Variants in PDZD2 observed in about 807,000 individuals in gnomAD.
PDZD2 encodes the protein PDZ domain-containing protein 2.
A neutral mutation model predicts 220.7 loss-of-function variants in PDZD2; 90 were observed. The ratio of observed to expected loss-of-function variants is 0.41; its 90% CI spans 0.34 to 0.49. The LOEUF is 0.49. PDZD2 is among the 20% of genes least tolerant of loss of function. The pLI, the probability that PDZD2 is intolerant of heterozygous loss-of-function variation, is 0.28. For missense variants in PDZD2, 3,174 were observed against 3,608.5 expected (o/e 0.88, Z 3.08); for synonymous variants, 1,375 against 1,450.5 (o/e 0.95, Z 1.18).
At chr5:31,999,201 G>A (rs143799126) in intron 4 of PDZD2, among the ~76,000 whole-genome samples, 100 of 149,484 alleles carry the variant, frequency 6.7e-4, no homozygotes, top group African/African-American at 1.8e-3. Flanking sequence ...GATACCTGCA[G>A]TGACAGCAGT....
In PDZD2 at chr5:32,025,078, G is replaced by A. The variant is rs370876728; in HGVS notation, c.1408-12153G>A. Among the ~76,000 whole-genome samples the A allele has an allele frequency of 1.2e-4, 18 of 152,238 alleles. No homozygotes were observed. The South Asian group carries it at 2.3e-3, about 19-fold the overall frequency. On this transcript the variant is annotated intron_variant, in intron 6 of 24. Coordinates refer to ENST00000438447, the MANE Select transcript of PDZD2 (RefSeq NM_178140.4). ...TCCCAACAGATTATCTTAAAGAAGCGCCTGCCCTTAGAAATATATGTCAGC... is the reference window on the plus strand; with the variant it reads ...TCCCAACAGATTATCTTAAAGAAGCACCTGCCCTTAGAAATATATGTCAGC...
Position 32,090,898 on chromosome 5 carries a change from G to T in PDZD2, c.7450G>T (p.Glu2484Ter). ...GCCCGTGTCCCGCTCCAAGCTCCAGGAGCTGAGAGCCTTGAGCATGCCTGA... is the reference window on the plus strand; with the variant it reads ...GCCCGTGTCCCGCTCCAAGCTCCAGTAGCTGAGAGCCTTGAGCATGCCTGA... Reference protein sequence around the residue: ...PSPVSRSKLQELRALSMPDLD... With the variant: ...PSPVSRSKLQ The change falls in exon 20 of 25, where the codon GAG becomes TAG. Residue 2484 changes from glutamate (E) to a stop codon, truncating the protein, a stop_gained. Transcript: ENST00000438447. LOFTEE classifies it high-confidence loss of function. This position sits in a 1 kb window ranked among gnomAD's most constrained non-coding sequence, Gnocchi z 4.3. 6.2e-7 allele frequency: 1 copy of T among 1,613,958 alleles called. No individual in the cohort carries two copies. The highest frequency in any genetic ancestry group is 8.5e-7 in the Non-Finnish European group (1 of 1,180,012).
intron 1 of PDZD2, among the ~76,000 whole-genome samples, chr5:31,783,843 C>T (rs560337518): frequency 7.2e-4 from 110 of 152,214 alleles, no homozygotes; most frequent in African/African-American, 2.5e-3. Flanking sequence ...ATTTTTTTCC[C>T]GCTTCCAATT....
chr5:31,730,612 A>C (rs1351067529), intron 1 of PDZD2, among the ~76,000 whole-genome samples: 2 of 123,436 alleles, frequency 1.6e-5, no homozygotes, highest in Non-Finnish European at 3.6e-5. Context: ...TGTGTGTGTA[A>C]GGGAGTTGGG....
intron 2 of PDZD2, among the ~76,000 whole-genome samples, chr5:31,818,852 T>G (rs1755636789): frequency 6.6e-6 from 1 of 152,250 alleles, no homozygotes; most frequent in Non-Finnish European, 1.5e-5. Flanking sequence ...TCTGTGACCA[T>G]GTGCCTACAG....
At chr5:31,970,037 T>TA (rs1387906912) in intron 2 of PDZD2, among the ~76,000 whole-genome samples, 1 of 151,986 alleles carries the variant, frequency 6.6e-6, no homozygotes, top group Non-Finnish European at 1.5e-5. Flanking sequence ...TAGCTGGGAT[T>TA]ATAGGCATGC....
Position 32,087,473 on chromosome 5 carries a change from G to A in PDZD2, c.4025G>A (p.Gly1342Glu). Residue 1342 changes from glycine (G) to glutamate (E), a missense_variant, in exon 20 of 25, where the codon GGA (glycine) becomes GAA (glutamate). This residue lies in a region of PDZD2 where 1,861 missense variants were observed against 2,001.0 expected (regional missense o/e 0.93). Coordinates refer to ENST00000438447, the MANE Select transcript of PDZD2 (RefSeq NM_178140.4). This position sits in a 1 kb window ranked among gnomAD's most constrained non-coding sequence, Gnocchi z 4.0. ...ACACCAGCTGGTGCTGTCCTGCCAG[G>A]AGACCCCCTCACATCCCAGGAGCAG... ...GMTPAGAVLP[G>E]DPLTSQEQRQ... 6.2e-7 allele frequency: 1 copy of A among 1,613,776 alleles called. No individual in the cohort carries two copies. The highest frequency in any genetic ancestry group is 8.5e-7 in the Non-Finnish European group (1 of 1,179,816).
At chr5:32,005,714 C>T (rs1752747721) in intron 5 of PDZD2, among the ~76,000 whole-genome samples, 1 of 152,160 alleles carries the variant, frequency 6.6e-6, no homozygotes, top group Non-Finnish European at 1.5e-5. Flanking sequence ...GAGGCAGTCC[C>T]ACCTGGACTT....
intron 2 of PDZD2, among the ~76,000 whole-genome samples, chr5:31,893,847 G>C (rs754629350): frequency 1.3e-5 from 2 of 151,830 alleles, no homozygotes; most frequent in Non-Finnish European, 2.9e-5. Flanking sequence ...AAGTTGTACA[G>C]AAATTCCTGG....
At chr5:32,008,494 C>T (rs553306388) in intron 5 of PDZD2, among the ~76,000 whole-genome samples, 1 of 152,056 alleles carries the variant, frequency 6.6e-6, no homozygotes, top group Non-Finnish European at 1.5e-5. Flanking sequence ...CCATGTTGGC[C>T]AGGCTGGTCT....
chr5:31,955,964 T>G (rs1046693923), intron 2 of PDZD2, among the ~76,000 whole-genome samples: 1 of 152,218 alleles, frequency 6.6e-6, no homozygotes, highest in Admixed American at 6.5e-5. Flanking sequence ...TTTGTAGTTT[T>G]ATACCATTGT....
chr5:31,820,570 C>T (rs776332434), intron 2 of PDZD2: 1 of 151,632 alleles, frequency 6.6e-6, no homozygotes, highest in Non-Finnish European at 1.5e-5. Context: ...ATTTTTTCAT[C>T]CTTGGGCAAG....
intron 2 of PDZD2, chr5:31,908,571 C>T (rs1742896611): frequency 1.0e-6 from 1 of 975,534 alleles, no homozygotes; most frequent in Admixed American, 1.8e-5. Context: ...TTGATACTGT[C>T]ATGAACCATC....
chr5:32,089,955 C>G lies in PDZD2; in HGVS notation c.6507C>G (p.Ser2169=), dbSNP rs75551718. 1.9e-5 allele frequency: 31 copies of G among 1,598,492 alleles called. No homozygotes were observed. In the Admixed American group the frequency reaches 3.6e-4, roughly 18 times the overall value. ...CATTCAGCATGGCAAAACTGGCGTC[C>G]TCCTCCTCCTCCCTTCAAACAGCCA... The part of the protein sequence containing the change: ...SRSFSMAKLA[S]SSSSLQTAIR... Residue 2169 remains serine (S), a synonymous_variant, in exon 20 of 25, where the codon TCC becomes TCG. Transcript: ENST00000438447.
intron 2 of PDZD2, among the ~76,000 whole-genome samples, chr5:31,813,134 A>G (rs986985296): frequency 1.2e-4 from 18 of 152,276 alleles, no homozygotes; most frequent in African/African-American, 3.9e-4. Context: ...TCAGACCATT[A>G]TAATTAGCAA....
chr5:31,649,954 A>AAG (rs1745288519), intron 1 of PDZD2, among the ~76,000 whole-genome samples: 2 of 150,846 alleles, frequency 1.3e-5, no homozygotes, highest in African/African-American at 2.4e-5. Flanking sequence ...AAAAAAAAAA[A>AAG]AAAAAAAAAA....
At chr5:32,028,676 T>G (rs1158478035) in intron 6 of PDZD2, among the ~76,000 whole-genome samples, 1 of 41,302 alleles carries the variant, frequency 2.4e-5, no homozygotes, top group East Asian at 4.7e-4. Flanking sequence ...TTTTTTTTTG[T>G]TTTTTTTGTT....
chr5:31,794,393 C>CTTTTTTTTT (rs34331530), intron 1 of PDZD2, among the ~76,000 whole-genome samples: 18 of 105,278 alleles, frequency 1.7e-4, no homozygotes, highest in Non-Finnish European at 2.6e-4. Context: ...TTCTTTCTTT[C>CTTTTTTTTT]TTTTTTTTTT....
At chr5:32,086,011 T>TGTCA (rs1487047770) in intron 19 of PDZD2, among the ~76,000 whole-genome samples, 2 of 152,118 alleles carry the variant, frequency 1.3e-5, no homozygotes, top group Non-Finnish European at 2.9e-5. Context: ...AAACTCCCCT[T>TGTCA]GTCAGCCCCA....
Sources: gnomAD v4.1 joint callset for allele counts (sites outside exome capture counted in the v4.1 genomes callset) on GRCh38, gnomAD v4.1.1 for gene constraint, gnomAD v4.1.1 regional missense constraint, Gnocchi (gnomAD v3.1) non-coding constraint, MANE v1.5 for transcripts, NCBI Gene and HGNC (gene_info 2026-07-23, HGNC 2026-07-21) for gene names.